The following COL13A1 variants were observed in gnomAD, a reference collection of about 807,000 sequenced individuals.
The protein encoded by COL13A1 is collagen alpha-1(XIII) chain.
In COL13A1, 89 loss-of-function variants were observed where a neutral mutation model predicts 130.9. That is an observed-to-expected ratio of 0.68 (90% CI 0.57 to 0.81). COL13A1 has a LOEUF of 0.81. COL13A1 is among the 30% of genes least tolerant of loss of function. COL13A1 has a pLI of 0.00. For missense variants in COL13A1, 879 were observed against 934.6 expected, an observed-to-expected ratio of 0.94 and a Z score of 0.78; for synonymous variants, 402 against 341.6, an observed-to-expected ratio of 1.18 and a Z score of -1.95.
intron 35 of COL13A1, 108 bp downstream of exon 35, chr10:69,941,131 G>A (rs2067579213): frequency 1.3e-6 from 2 of 1,563,568 alleles, no homozygotes; most frequent in Admixed American, 1.7e-5. Flanking sequence ...AATCATGCCT[G>A]GTCCCACCTC....
At chr10:69,849,966 C>A (rs1188416196) in intron 2 of COL13A1, among the ~76,000 whole-genome samples, 1 of 152,150 alleles carries the variant, frequency 6.6e-6, no homozygotes, top group Non-Finnish European at 1.5e-5. Context: ...GATTTATTAG[C>A]CACTGTTCCC....
At chr10:69,923,192 A>G (rs967687453) in intron 23 of COL13A1, among the ~76,000 whole-genome samples, 2 of 152,212 alleles carry the variant, frequency 1.3e-5, no homozygotes, top group African/African-American at 2.4e-5. Context: ...AGGACAGGCA[A>G]GAGGCCCCCC....
chr10:69,851,180 G>T (rs974051401), intron 2 of COL13A1, among the ~76,000 whole-genome samples: 4 of 152,204 alleles, frequency 2.6e-5, no homozygotes, highest in Admixed American at 2.6e-4. Context: ...CTGTAGATTC[G>T]AGAAAACAGG....
intron 2 of COL13A1, among the ~76,000 whole-genome samples, chr10:69,862,528 G>A (rs1245998762): frequency 1.3e-5 from 2 of 152,116 alleles, no homozygotes; most frequent in African/African-American, 2.4e-5. Context: ...AAAGCTCACC[G>A]GTGTCCCTTC....
intron 13 of COL13A1, chr10:69,897,670 C>CT: frequency 1.0e-6 from 1 of 979,522 alleles, no homozygotes; most frequent in Non-Finnish European, 1.5e-6. Context: ...AAGAAGGCAG[C>CT]AGCTGTGACC....
At chr10:69,842,012 C>T (rs1279844924) in intron 2 of COL13A1, among the ~76,000 whole-genome samples, 1 of 152,214 alleles carries the variant, frequency 6.6e-6, no homozygotes, top group Non-Finnish European at 1.5e-5. Context: ...GGACCATGAC[C>T]TAACCAGACT....
intron 2 of COL13A1, among the ~76,000 whole-genome samples, chr10:69,830,944 T>C (rs974668026): frequency 6.6e-6 from 1 of 152,144 alleles, no homozygotes; most frequent in Non-Finnish European, 1.5e-5. Flanking sequence ...TAATCTACTC[T>C]CCATCTTTAT....
At chr10:69,880,698 A>T (rs1253670595) in intron 7 of COL13A1, 145 bp downstream of exon 7, 6 of 804,184 alleles carry the variant, frequency 7.5e-6, no homozygotes, top group Non-Finnish European at 1.2e-5. Flanking sequence ...CAGCCCAGCC[A>T]GGCCTCGGGT....
chr10:69,942,745 C>T (rs886196402), intron 35 of COL13A1, among the ~76,000 whole-genome samples: 4 of 152,218 alleles, frequency 2.6e-5, no homozygotes, highest in Admixed American at 6.5e-5. Context: ...AACCGACACT[C>T]GGCAAGGCTA....
chr10:69,814,752 A>G (rs1844004177), intron 1 of COL13A1, among the ~76,000 whole-genome samples: 1 of 152,180 alleles, frequency 6.6e-6, no homozygotes, highest in Admixed American at 6.5e-5. Flanking sequence ...TATGATTTCA[A>G]CACTGCCAAG....
intron 17 of COL13A1, among the ~76,000 whole-genome samples, chr10:69,915,110 C>T (rs2063783003): frequency 6.6e-6 from 1 of 152,244 alleles, no homozygotes; most frequent in African/African-American, 2.4e-5. Flanking sequence ...GGCTGCATGA[C>T]CTTGGCAATC....
At chr10:69,950,639 T>C (rs2069380931) in intron 38 of COL13A1, among the ~76,000 whole-genome samples, 1 of 152,228 alleles carries the variant, frequency 6.6e-6, no homozygotes, top group South Asian at 2.1e-4. Context: ...ATTTGTGCCA[T>C]GATGTTCTTG....
intron 4 of COL13A1, among the ~76,000 whole-genome samples, chr10:69,873,103 G>A (rs1183229276): frequency 6.6e-6 from 1 of 152,170 alleles, no homozygotes; most frequent in African/African-American, 2.4e-5. Context: ...CCGGTCAGGG[G>A]GCCGGAATCG....
In COL13A1 at chr10:69,827,577, G is replaced by A. The variant is rs142456051; in HGVS notation, c.364+5139G>A. ...GTATTCTAGAACAATAACTAGCAGTGATGTGGAGGCTGGCCTGGAGGGGAG... is the reference window on the plus strand; with the variant it reads ...GTATTCTAGAACAATAACTAGCAGTAATGTGGAGGCTGGCCTGGAGGGGAG... On this transcript the variant is annotated intron_variant, in intron 2 of 40. Transcript: ENST00000645393. Among the ~76,000 whole-genome samples, 512 of 152,322 alleles carry A rather than the reference G, an allele frequency of 3.4e-3. 2 individuals carry two copies. Among genetic ancestry groups the A allele is most frequent in the African/African-American group, 0.012 (490 of 41,578 alleles).
intron 38 of COL13A1, 44 bp from the exon 39 acceptor site, chr10:69,952,838 T>TA (rs755175522): frequency 1.5e-4 from 201 of 1,349,972 alleles, no homozygotes; most frequent in Non-Finnish European, 2.0e-4. Context: ...TGAATGATCT[T>TA]AAAGTTTTGA....
At chr10:69,879,113 G>A (rs531371810) in intron 6 of COL13A1, among the ~76,000 whole-genome samples, 2 of 152,274 alleles carry the variant, frequency 1.3e-5, no homozygotes, top group East Asian at 1.9e-4. Flanking sequence ...TCATTTACAC[G>A]AGGCACAGAG....
At chr10:69,887,412 C>T (rs780206481) in intron 7 of COL13A1, 44 bp from the exon 8 acceptor site, 3 of 1,603,522 alleles carry the variant, frequency 1.9e-6, no homozygotes, top group African/African-American at 1.3e-5. Flanking sequence ...GGCTCTGTCT[C>T]CTCCTTGCTC....
rs1306074545 is a variant in COL13A1 at position 69,952,908 on chromosome 10, A to AG, written c.2088dup (p.Pro697AlafsTer2). On this transcript the variant is annotated frameshift_variant, in exon 39 of 41. Transcript: ENST00000645393. LOFTEE classifies it high-confidence loss of function. ...GGGAGAGGGGGAAGAAAGGCTCTAG[A>AG]GGGCCTAAAGGGGATAAGGGAGACC... 6.4e-7 allele frequency: 1 copy of AG among 1,555,452 alleles called. No homozygotes were observed. Among genetic ancestry groups the AG allele is most frequent in the Non-Finnish European group, 8.6e-7 (1 of 1,159,508 alleles).
chr10:69,825,647 G>T (rs994051309), intron 2 of COL13A1, among the ~76,000 whole-genome samples: 2 of 152,152 alleles, frequency 1.3e-5, no homozygotes, highest in Non-Finnish European at 2.9e-5. Flanking sequence ...TGGAAGCCTC[G>T]ATCCTCAAAG....
Sources: gnomAD v4.1 joint callset for allele counts (sites outside exome capture counted in the v4.1 genomes callset) on GRCh38, gnomAD v4.1.1 for gene constraint, MANE v1.5 for transcripts, NCBI Gene and HGNC (gene_info 2026-07-23, HGNC 2026-07-21) for gene names.